Variants in IMPG2 observed in about 807,000 individuals in gnomAD.
The protein encoded by IMPG2 is interphotoreceptor matrix proteoglycan 2, also known as IPM 200.
Under a neutral mutation model 129.2 loss-of-function variants are expected in IMPG2, and 91 were observed. The ratio of observed to expected loss-of-function variants is 0.70; its 90% CI spans 0.59 to 0.84. IMPG2 has a LOEUF of 0.84. Ranked by LOEUF, IMPG2 falls within the 40% of genes least tolerant of loss-of-function variation. The pLI, the probability that IMPG2 is intolerant of heterozygous loss-of-function variation, is 0.00. For synonymous variants in IMPG2, 510 were observed against 517.7 expected (o/e 0.99, Z 0.20); for missense variants, 1,430 against 1,461.7 (o/e 0.98, Z 0.35).
rs1266061931 is a variant in IMPG2 at position 101,224,639 on chromosome 3, G to A, written c.*2330C>T. On this transcript the variant is annotated 3_prime_UTR_variant, in exon 19 of 19. Coordinates refer to ENST00000193391, the MANE Select transcript of IMPG2 (RefSeq NM_016247.4). Reference sequence around the variant, plus strand: ...TCCTTTAGTGCTTTGCTTTGTACATGAGTGGATGGATCTTTGCTGGGCAAA... The same window carrying A: ...TCCTTTAGTGCTTTGCTTTGTACATAAGTGGATGGATCTTTGCTGGGCAAA... 1 of 152,164 alleles carries A rather than the reference G, an allele frequency of 6.6e-6. No individual in the cohort carries two copies. The highest frequency in any genetic ancestry group is 1.5e-5 in the Non-Finnish European group (1 of 68,016). The allele number at this position is 152,164 out of a possible 1,614,324, so 9.4% of individuals were successfully genotyped here.
At chr3:101,280,517 G>A (rs777479079) in intron 4 of IMPG2, among the ~76,000 whole-genome samples, 1 of 152,118 alleles carries the variant, frequency 6.6e-6, no homozygotes, top group African/African-American at 2.4e-5. Flanking sequence ...TTTCAAGAAG[G>A]TGTTGACAAA....
At chr3:101,228,200 T>C (rs960762359) in intron 18 of IMPG2, among the ~76,000 whole-genome samples, 2 of 152,196 alleles carry the variant, frequency 1.3e-5, no homozygotes, top group African/African-American at 2.4e-5. Context: ...TTGCCCAAAA[T>C]GCATCCTGAG....
At chr3:101,248,240 G>A (rs1052096590) in intron 11 of IMPG2, among the ~76,000 whole-genome samples, 2 of 152,116 alleles carry the variant, frequency 1.3e-5, no homozygotes, top group African/African-American at 2.4e-5. Context: ...TGCTGTTCTC[G>A]TGATAGTGAA....
At chr3:101,242,561 G>T (rs1559642249) in intron 14 of IMPG2, 127 bp downstream of exon 14, 6 of 736,262 alleles carry the variant, frequency 8.1e-6, no homozygotes, top group Non-Finnish European at 1.5e-5. Context: ...AGATGTGGAA[G>T]ATTTGTCTGA....
At chr3:101,319,876 A>G (rs372645330) in intron 1 of IMPG2, 44 bp from the exon 2 acceptor site, 1 of 1,593,840 alleles carries the variant, frequency 6.3e-7, no homozygotes, top group Non-Finnish European at 8.5e-7. Flanking sequence ...ATGAAGATAC[A>G]GTACAAAAGG....
chr3:101,258,221 A>T (rs1442779061), intron 9 of IMPG2, among the ~76,000 whole-genome samples: 1 of 152,136 alleles, frequency 6.6e-6, no homozygotes, highest in Non-Finnish European at 1.5e-5. Context: ...ACTGGAACAT[A>T]GTTATTTATT....
At chr3:101,230,462 C>T (rs1267965475) in intron 16 of IMPG2, among the ~76,000 whole-genome samples, 1 of 152,226 alleles carries the variant, frequency 6.6e-6, no homozygotes, top group Non-Finnish European at 1.5e-5. Flanking sequence ...CAGATCTGGT[C>T]CTCCCTGAAG....
intron 9 of IMPG2, among the ~76,000 whole-genome samples, chr3:101,264,266 C>A (rs983487840): frequency 2.6e-5 from 4 of 151,974 alleles, no homozygotes; most frequent in Non-Finnish European, 4.4e-5. Context: ...AACTACAGGG[C>A]AAAATCCCTG....
intron 3 of IMPG2, 122 bp from the exon 4 acceptor site, chr3:101,291,632 T>C (rs1707010490): frequency 1.4e-6 from 1 of 740,158 alleles, no homozygotes. Context: ...GTACTCTCTA[T>C]GGTTAGACAA....
At chr3:101,271,937 C>T (rs887370587) in intron 7 of IMPG2, among the ~76,000 whole-genome samples, 4 of 152,102 alleles carry the variant, frequency 2.6e-5, no homozygotes, top group South Asian at 2.1e-4. Flanking sequence ...AATAGAAAGT[C>T]GCCTGTGGAG....
intron 4 of IMPG2, among the ~76,000 whole-genome samples, chr3:101,285,652 T>C (rs1010040033): frequency 2.6e-5 from 4 of 152,176 alleles, no homozygotes; most frequent in African/African-American, 9.7e-5. Flanking sequence ...CATGGAGAAG[T>C]CTGTCTAATA....
chr3:101,299,706 A>G (rs1009808302), intron 3 of IMPG2, among the ~76,000 whole-genome samples: 7 of 152,110 alleles, frequency 4.6e-5, no homozygotes, highest in Non-Finnish European at 8.8e-5. Flanking sequence ...GGCCCTACTC[A>G]TCTGGTTCAT....
intron 4 of IMPG2, among the ~76,000 whole-genome samples, chr3:101,285,542 GCT>G (rs1706937476): frequency 6.6e-6 from 1 of 152,296 alleles, no homozygotes; most frequent in Admixed American, 6.5e-5. Flanking sequence ...CCTGTCTACA[GCT>G]CTGTCTCTCT....
At chr3:101,234,426 T>C (rs1465592457) in intron 14 of IMPG2, among the ~76,000 whole-genome samples, 1 of 152,086 alleles carries the variant, frequency 6.6e-6, no homozygotes, top group African/African-American at 2.4e-5. Context: ...TTTGGACTTC[T>C]AGCCTCAAGA....
chr3:101,244,919 T>G, intron 12 of IMPG2, 132 bp from the exon 13 acceptor site: 1 of 724,628 alleles, frequency 1.4e-6, no homozygotes, highest in Non-Finnish European at 2.4e-6. Flanking sequence ...TGCTTTTCTA[T>G]ATCTAGCAAA....
intron 4 of IMPG2, among the ~76,000 whole-genome samples, chr3:101,280,768 A>C (rs1706884805): frequency 6.6e-6 from 1 of 152,096 alleles, no homozygotes; most frequent in South Asian, 2.1e-4. Flanking sequence ...CAACATGGCG[A>C]AACCCCATCT....
At position 101,246,019 on chromosome 3, in the gene IMPG2, G is replaced by C; in HGVS notation, c.1326C>G (p.Pro442=). 1 of 1,614,138 alleles carries C rather than the reference G, an allele frequency of 6.2e-7. No individual in the cohort carries two copies. The highest frequency in any genetic ancestry group is 8.5e-7 in the Non-Finnish European group (1 of 1,180,008). Residue 442 remains proline, a synonymous_variant, in exon 12 of 19, where the codon CCC becomes CCG. Transcript: ENST00000193391. ...IPPLDFSSGP[P]SATGRELWSE... ...ACCAGAGTTCCCTGCCAGTGGCTGA[G>C]GGAGGACCAGAGCTGAAATCAAGTG...
intron 9 of IMPG2, among the ~76,000 whole-genome samples, chr3:101,261,292 G>T (rs552925040): frequency 1.3e-5 from 2 of 152,234 alleles, no homozygotes; most frequent in South Asian, 4.1e-4. Context: ...GAAAAAGGAG[G>T]AGGAGGAAAG....
At chr3:101,276,971 T>C (rs1576760622) in intron 4 of IMPG2, among the ~76,000 whole-genome samples, 1 of 152,216 alleles carries the variant, frequency 6.6e-6, no homozygotes, top group East Asian at 1.9e-4. Context: ...GTTTTCTCTC[T>C]TCTCAGTTCT....
Sources: gnomAD v4.1 joint callset for allele counts (sites outside exome capture counted in the v4.1 genomes callset) on GRCh38, gnomAD v4.1.1 for gene constraint, MANE v1.5 for transcripts, NCBI Gene and HGNC (gene_info 2026-07-23, HGNC 2026-07-21) for gene names.